EXOC6B: variants seen among roughly 807,000 people sequenced by gnomAD.
The protein encoded by EXOC6B is exocyst complex component 6B.
A neutral mutation model predicts 113.5 loss-of-function variants in EXOC6B; 54 were observed. The observed-to-expected ratio is 0.48, with a 90% confidence interval of 0.38 to 0.60. EXOC6B has a LOEUF of 0.60. Ranked by LOEUF, EXOC6B falls within the 20% of genes least tolerant of loss-of-function variation. The pLI is 0.00. For missense variants in EXOC6B, 797 were observed against 977.5 expected (o/e 0.82, Z 2.46); for synonymous variants, 357 against 339.0 (o/e 1.05, Z -0.58).
At chr2:72,731,728 T>C (rs1680655070) in intron 3 of EXOC6B, among the ~76,000 whole-genome samples, 1 of 152,232 alleles carries the variant, frequency 6.6e-6, no homozygotes. Context: ...AGTAATAATC[T>C]ACACATCTAC....
At chr2:72,803,808 T>C (rs1427537000) in intron 1 of EXOC6B, among the ~76,000 whole-genome samples, 4 of 152,174 alleles carry the variant, frequency 2.6e-5, no homozygotes, top group Non-Finnish European at 5.9e-5. Context: ...TGCTGTATAA[T>C]TGTCCTAATA....
intron 6 of EXOC6B, among the ~76,000 whole-genome samples, chr2:72,632,389 T>C (rs1014273764): frequency 2.6e-5 from 4 of 152,168 alleles, no homozygotes; most frequent in Non-Finnish European, 5.9e-5. Flanking sequence ...CTTTTTAATG[T>C]GTAGGAAGAA....
intron 6 of EXOC6B, among the ~76,000 whole-genome samples, chr2:72,625,278 A>T (rs992243560): frequency 8.0e-5 from 12 of 150,776 alleles, no homozygotes; most frequent in Admixed American, 2.6e-4. Context: ...TATACCTAAA[A>T]ATATATATAT....
chr2:72,550,257 C>T (rs1703134715), intron 8 of EXOC6B, among the ~76,000 whole-genome samples: 1 of 151,950 alleles, frequency 6.6e-6, no homozygotes, highest in South Asian at 2.1e-4. Context: ...CTTTACCATG[C>T]AGTAATGCCA....
chr2:72,254,597 C>T (rs1431257207), intron 20 of EXOC6B, among the ~76,000 whole-genome samples: 2 of 152,136 alleles, frequency 1.3e-5, no homozygotes, highest in African/African-American at 4.8e-5. Context: ...GTACTAAATA[C>T]CTAAACATGT....
Position 72,364,079 on chromosome 2 carries a change from T to C in EXOC6B, c.2122+15650A>G, listed in dbSNP as rs1294299287. Among the ~76,000 whole-genome samples the C allele has an allele frequency of 2.6e-5, 4 of 152,196 alleles. No homozygotes were observed. The East Asian group carries it at 5.8e-4, about 22-fold the overall frequency. On this transcript the variant is annotated intron_variant, in intron 19 of 21. Coordinates refer to ENST00000272427, the MANE Select transcript of EXOC6B (RefSeq NM_015189.3). ...ACAGACAAAAAGGGAAAATACCTCA[T>C]GCACACACCACTGGGTAGAAAGATG... is the stretch of plus-strand genomic sequence containing the variant.
chr2:72,721,902 A>C (rs1680030610), intron 5 of EXOC6B: 1 of 151,946 alleles, frequency 6.6e-6, no homozygotes, highest in Non-Finnish European at 1.5e-5. Flanking sequence ...GACAATATTT[A>C]TTAAATGGAT....
At chr2:72,824,448 A>G (rs936735695) in intron 1 of EXOC6B, among the ~76,000 whole-genome samples, 2 of 152,174 alleles carry the variant, frequency 1.3e-5, no homozygotes, top group Non-Finnish European at 1.5e-5. Flanking sequence ...TTTAATAAAT[A>G]AAGAGACAAA....
chr2:72,421,993 C>T (rs536798432), intron 18 of EXOC6B, among the ~76,000 whole-genome samples: 1 of 152,372 alleles, frequency 6.6e-6, no homozygotes, highest in East Asian at 1.9e-4. Flanking sequence ...GGAGGGTGTA[C>T]TGGGTCCCCC....
Position 72,718,161 on chromosome 2 carries a change from T to A in EXOC6B, c.611A>T (p.Asp204Val). ...ATGTTTGCGGATGCTCTCCAGAAAG[T>A]CTTTGAGATCGGACATAGAAACATC... ...IKDVSMSDLK[D>V]FLESIRKHSD... Residue 204 changes from aspartate (D) to valine (V), a missense_variant, in exon 6 of 22, where the codon GAC becomes GTC. Physicochemically the swap from Asp to Val is radical, Grantham distance 152. Transcript: ENST00000272427. The A allele has an allele frequency of 1.2e-6, 2 of 1,613,774 alleles. No homozygotes were observed. The highest frequency in any genetic ancestry group is 1.7e-6 in the Non-Finnish European group (2 of 1,179,766).
At chr2:72,618,976 T>C (rs904478574) in intron 6 of EXOC6B, among the ~76,000 whole-genome samples, 11 of 152,202 alleles carry the variant, frequency 7.2e-5, no homozygotes, top group Admixed American at 5.2e-4. Flanking sequence ...TGTGACTTAA[T>C]CTAGGCCAAC....
chr2:72,491,918 A>T (rs11893052), intron 16 of EXOC6B, among the ~76,000 whole-genome samples: 3,084 of 152,238 alleles, frequency 0.02, 121 homozygotes, highest in African/African-American at 0.069. Context: ...GCATTATCCT[A>T]GGTATCAATA....
chr2:72,818,087 T>C (rs1219443856), intron 1 of EXOC6B, among the ~76,000 whole-genome samples: 1 of 152,166 alleles, frequency 6.6e-6, no homozygotes, highest in African/African-American at 2.4e-5. Context: ...TTCTCCTGCC[T>C]TAGCCTCCTG....
At chr2:72,249,028 C>A (rs1237058004) in intron 20 of EXOC6B, among the ~76,000 whole-genome samples, 1 of 152,128 alleles carries the variant, frequency 6.6e-6, no homozygotes, top group Non-Finnish European at 1.5e-5. Context: ...TTTTGGGAGG[C>A]CAAGGTGGGA....
chr2:72,676,196 T>C (rs1240375710), intron 6 of EXOC6B, among the ~76,000 whole-genome samples: 1 of 152,132 alleles, frequency 6.6e-6, no homozygotes, highest in East Asian at 1.9e-4. Context: ...TCAGTTTTAC[T>C]TATGATAAGC....
chr2:72,640,032 A>G (rs896075779), intron 6 of EXOC6B, among the ~76,000 whole-genome samples: 2 of 152,162 alleles, frequency 1.3e-5, no homozygotes, highest in Admixed American at 6.5e-5. Context: ...CTGAAATGAC[A>G]AAAACAGAAT....
intron 1 of EXOC6B, among the ~76,000 whole-genome samples, chr2:72,743,159 A>T (rs1350469576): frequency 6.6e-6 from 1 of 152,142 alleles, no homozygotes; most frequent in Non-Finnish European, 1.5e-5. Context: ...CTTAACATTT[A>T]CCATATTCCA....
intron 6 of EXOC6B, among the ~76,000 whole-genome samples, chr2:72,682,051 G>A (rs1376097841): frequency 1.3e-5 from 2 of 149,052 alleles, no homozygotes; most frequent in African/African-American, 5.0e-5. Flanking sequence ...CTCTCAGAAG[G>A]CTTTAAATCA....
chr2:72,652,987 T>A (rs1046253293), intron 6 of EXOC6B, among the ~76,000 whole-genome samples: 50 of 151,700 alleles, frequency 3.3e-4, no homozygotes, highest in Admixed American at 8.5e-4. Context: ...TTATATATAT[T>A]TTTTTTAATT....
Sources: gnomAD v4.1 joint callset for allele counts (sites outside exome capture counted in the v4.1 genomes callset) on GRCh38, gnomAD v4.1.1 for gene constraint, MANE v1.5 for transcripts, NCBI Gene and HGNC (gene_info 2026-07-23, HGNC 2026-07-21) for gene names.